Variants in TRPS1 observed in about 807,000 individuals in gnomAD.
The protein encoded by TRPS1 is transcriptional repressor GATA binding 1.
Under a neutral mutation model 101.2 loss-of-function variants are expected in TRPS1, and 6 were observed. That is an observed-to-expected ratio of 0.06 (90% CI 0.03 to 0.12). The LOEUF (loss-of-function observed/expected upper bound fraction) is 0.12. Ranked by LOEUF, TRPS1 falls within the 10% of genes least tolerant of loss-of-function variation. The pLI, the probability that TRPS1 is intolerant of heterozygous loss-of-function variation, is 1.00. For synonymous variants in TRPS1, 578 were observed against 589.8 expected (o/e 0.98, Z 0.29); for missense variants, 1,363 against 1,567.0 (o/e 0.87, Z 2.20).
chr8:115,559,007 C>A (rs1022333343), intron 5 of TRPS1, among the ~76,000 whole-genome samples: 3 of 152,088 alleles, frequency 2.0e-5, no homozygotes, highest in African/African-American at 7.2e-5. Flanking sequence ...GGCTCTTGAA[C>A]TTTATTTTAA....
At chr8:115,419,685 G>A (rs1225418384) in intron 5 of TRPS1, among the ~76,000 whole-genome samples, 1 of 152,138 alleles carries the variant, frequency 6.6e-6, no homozygotes, top group African/African-American at 2.4e-5. Context: ...CATAATTTTG[G>A]CTTCAAGACT....
intron 5 of TRPS1, among the ~76,000 whole-genome samples, chr8:115,437,129 C>T (rs1363959889): frequency 2.0e-5 from 3 of 152,164 alleles, no homozygotes; most frequent in East Asian, 1.9e-4. Flanking sequence ...TCATTATCTA[C>T]ACTTCTCATG....
At chr8:115,431,001 T>C (rs536199210) in intron 5 of TRPS1, among the ~76,000 whole-genome samples, 1 of 152,132 alleles carries the variant, frequency 6.6e-6, no homozygotes, top group African/African-American at 2.4e-5. Flanking sequence ...CTTATAATTA[T>C]TTACTTTAGT....
intron 4 of TRPS1, among the ~76,000 whole-genome samples, chr8:115,598,200 T>G (rs1586442066): frequency 6.6e-6 from 1 of 152,220 alleles, no homozygotes; most frequent in East Asian, 1.9e-4. Context: ...CATTTCCTAT[T>G]CTTTCATTAG....
chr8:115,667,781 C>T, intron 1 of TRPS1: 1 of 1,488,684 alleles, frequency 6.7e-7, no homozygotes, highest in Non-Finnish European at 9.0e-7. Context: ...TCTTCAAAGC[C>T]AAAGGCAGTC....
chr8:115,623,184 C>T (rs1326300577), intron 2 of TRPS1, among the ~76,000 whole-genome samples: 1 of 151,834 alleles, frequency 6.6e-6, no homozygotes, highest in African/African-American at 2.4e-5. Flanking sequence ...CTGAATAGAG[C>T]CCTTAATAAT....
At position 115,629,444 on chromosome 8, in the gene TRPS1, C is replaced by T. The variant is rs144082422; in HGVS notation, c.-121-5686G>A. Among the ~76,000 whole-genome samples the T allele has an allele frequency of 4.7e-3, 716 of 151,880 alleles. 6 individuals carry two copies. Among genetic ancestry groups the T allele is most frequent in the African/African-American group, 0.016 (683 of 41,468 alleles). On this transcript the variant is annotated intron_variant, in intron 1 of 6. Coordinates refer to ENST00000395715, the MANE Select transcript of TRPS1 (RefSeq NM_014112.5). ...AATAAAATCCCAGGTGTCCAAATTA[C>T]ACATTCATAAACATACGTGGATATA...
At chr8:115,526,416 T>C (rs1172373762) in intron 5 of TRPS1, among the ~76,000 whole-genome samples, 2 of 152,318 alleles carry the variant, frequency 1.3e-5, no homozygotes, top group African/African-American at 2.4e-5. Context: ...AACCTGAAGA[T>C]GTTTGAATTA....
intron 1 of TRPS1, among the ~76,000 whole-genome samples, chr8:115,630,844 T>C (rs893973285): frequency 6.6e-6 from 1 of 152,044 alleles, no homozygotes; most frequent in African/African-American, 2.4e-5. Flanking sequence ...AAAGACCACT[T>C]GGTTTCCCAA....
intron 5 of TRPS1, among the ~76,000 whole-genome samples, chr8:115,579,161 A>G (rs956561220): frequency 1.3e-5 from 2 of 152,146 alleles, no homozygotes; most frequent in Non-Finnish European, 2.9e-5. Flanking sequence ...AAATTAATGG[A>G]AAGGTAGTAA....
In TRPS1 at chr8:115,554,161, T is replaced by G. The variant is rs139651617; in HGVS notation, c.2700+32840A>C. ...CACTAAACTAGTTCCTCAAAAGCATTCTTAATATTAATAGAAAAGCAAACA... is the reference window on the plus strand; with the variant it reads ...CACTAAACTAGTTCCTCAAAAGCATGCTTAATATTAATAGAAAAGCAAACA... On this transcript the variant is annotated intron_variant, in intron 5 of 6. Transcript: ENST00000395715. Among the ~76,000 whole-genome samples the G allele has an allele frequency of 4.3e-3, 648 of 152,312 alleles. 7 individuals are homozygous for G. The highest frequency in any genetic ancestry group is 0.026 in the Admixed American group (392 of 15,302).
At chr8:115,590,074 G>A (rs960571818) in intron 4 of TRPS1, among the ~76,000 whole-genome samples, 6 of 151,908 alleles carry the variant, frequency 3.9e-5, no homozygotes, top group African/African-American at 4.8e-5. Flanking sequence ...CCGAGATCAC[G>A]ACACTGTGCT....
intron 5 of TRPS1, among the ~76,000 whole-genome samples, chr8:115,519,134 A>G (rs1438025678): frequency 6.6e-6 from 1 of 151,584 alleles, no homozygotes; most frequent in Admixed American, 6.6e-5. Flanking sequence ...CGTTTTTCTT[A>G]TTAACTTATA....
At chr8:115,488,887 G>A (rs1241093936) in intron 5 of TRPS1, among the ~76,000 whole-genome samples, 1 of 151,988 alleles carries the variant, frequency 6.6e-6, no homozygotes. Flanking sequence ...TATAAATGAG[G>A]TTATGTATTA....
chr8:115,634,776 A>G (rs1818728573), intron 1 of TRPS1, among the ~76,000 whole-genome samples: 1 of 152,160 alleles, frequency 6.6e-6, no homozygotes, highest in South Asian at 2.1e-4. Flanking sequence ...TAACATCAAA[A>G]TAGAACAAGT....
intron 5 of TRPS1, among the ~76,000 whole-genome samples, chr8:115,434,084 T>C (rs1813389944): frequency 5.2e-4 from 1 of 1,922 alleles, no homozygotes. Context: ...ATACGCTGCA[T>C]GATAATTAGC....
chr8:115,522,415 C>G (rs1213289706), intron 5 of TRPS1, among the ~76,000 whole-genome samples: 1 of 151,898 alleles, frequency 6.6e-6, no homozygotes, highest in Non-Finnish European at 1.5e-5. Context: ...AAAAGTTCAA[C>G]TGTGTAACTA....
chr8:115,634,986 G>T (rs1040768799), intron 1 of TRPS1, among the ~76,000 whole-genome samples: 2 of 152,084 alleles, frequency 1.3e-5, no homozygotes, highest in Non-Finnish European at 2.9e-5. Flanking sequence ...CACCAATGTA[G>T]TCCAGGTAAG....
chr8:115,449,956 AAC>A (rs61176190), intron 5 of TRPS1, among the ~76,000 whole-genome samples: 31 of 147,014 alleles, frequency 2.1e-4, no homozygotes, highest in Middle Eastern at 3.4e-3. Context: ...TATGTGATTT[AAC>A]ACACACACAC....
Sources: allele counts gnomAD v4.1 joint callset (sites outside exome capture counted in the v4.1 genomes callset), GRCh38; gene constraint gnomAD v4.1.1; transcripts MANE v1.5; gene names NCBI Gene and HGNC (gene_info 2026-07-23, HGNC 2026-07-21).